Variants in CHD2 observed in about 807,000 individuals in gnomAD.
The protein encoded by CHD2 is ATP-dependent chromatin remodeler CHD2.
A neutral mutation model predicts 243.9 loss-of-function variants in CHD2; 28 were observed. That is an observed-to-expected ratio of 0.11 (90% confidence interval 0.09 to 0.16). CHD2 has a LOEUF of 0.16. Ranked by LOEUF, CHD2 falls within the 10% of genes least tolerant of loss-of-function variation. CHD2 has a pLI of 1.00. For synonymous variants in CHD2, 775 were observed against 779.0 expected (o/e 0.99, Z 0.09); for missense variants, 1,386 against 2,209.8 (o/e 0.63, Z 7.47).
At chr15:92,983,466 T>C (rs1258532823) in intron 24 of CHD2, among the ~76,000 whole-genome samples, 1 of 152,238 alleles carries the variant, frequency 6.6e-6, no homozygotes, top group Non-Finnish European at 1.5e-5. Context: ...TTGACTTCAC[T>C]GTTGGCTCCA....
At position 92,997,473 on chromosome 15, in the gene CHD2, T is replaced by C; in HGVS notation, c.3885+70T>C. 3.6e-6 allele frequency: 5 copies of C among 1,370,694 alleles called. No individual in the cohort carries two copies. The South Asian group carries it at 6.4e-5, about 17-fold the overall frequency. The allele number at this position is 1,370,694 out of a possible 1,614,324, so 84.9% of individuals were successfully genotyped here. ...GTAATATTTTTATATCGATTACTTATTTCTAACTATTTTCGAGGGGGCATC... is the reference window on the plus strand; with the variant it reads ...GTAATATTTTTATATCGATTACTTACTTCTAACTATTTTCGAGGGGGCATC... On this transcript the variant is annotated intron_variant, in intron 30 of 38. Transcript: ENST00000394196. This position sits in a 1 kb window ranked among gnomAD's most constrained non-coding sequence, Gnocchi z 4.1.
At chr15:93,015,561 A>AGT (rs1366409200) in intron 37 of CHD2, among the ~76,000 whole-genome samples, 9 of 149,934 alleles carry the variant, frequency 6.0e-5, no homozygotes, top group African/African-American at 2.2e-4. Context: ...CAATCAACAG[A>AGT]GTGAAGAGAC....
intron 22 of CHD2, among the ~76,000 whole-genome samples, chr15:92,979,647 T>C (rs1410223983): frequency 6.6e-6 from 1 of 152,034 alleles, no homozygotes; most frequent in Non-Finnish European, 1.5e-5. Context: ...GTTTTTTTTT[T>C]TTACTATTGG....
Position 93,014,593 on chromosome 15 carries a change from T to G in CHD2, c.4693-103T>G. 12 of 1,019,550 alleles carry G rather than the reference T, an allele frequency of 1.2e-5. No homozygotes were observed. The South Asian group carries it at 1.8e-4, about 15-fold the overall frequency. The allele number at this position is 1,019,550 out of a possible 1,614,324, so 63.2% of individuals were successfully genotyped here. A position where few individuals can be genotyped will look rare whatever the true frequency, so the allele number is the denominator to read the frequency against. ...GGTAGTAAACGCCAGTTCAGAAGTT[T>G]AAGAAGGACAAGAAGGAGCTGTTTA... On this transcript the variant is annotated intron_variant, in intron 36 of 38. Coordinates refer to ENST00000394196, the MANE Select transcript of CHD2 (RefSeq NM_001271.4).
intron 26 of CHD2, among the ~76,000 whole-genome samples, chr15:92,990,074 A>G (rs890045870): frequency 1.3e-5 from 2 of 152,206 alleles, no homozygotes; most frequent in African/African-American, 4.8e-5. Context: ...GTTTTTGACC[A>G]ATGAATTTTG....
At chr15:93,001,498 A>T (rs1321940822) in intron 32 of CHD2, among the ~76,000 whole-genome samples, 1 of 152,198 alleles carries the variant, frequency 6.6e-6, no homozygotes, top group Admixed American at 6.5e-5. Flanking sequence ...TGAGTCATAC[A>T]TACAGATATT....
At chr15:92,977,309 A>G (rs1478939593) in intron 20 of CHD2, among the ~76,000 whole-genome samples, 2 of 152,100 alleles carry the variant, frequency 1.3e-5, no homozygotes, top group Non-Finnish European at 1.5e-5. Flanking sequence ...TTTTATTTCT[A>G]TGGCATAATG....
intron 21 of CHD2, 98 bp downstream of exon 21, chr15:92,978,481 T>C: frequency 8.1e-7 from 1 of 1,239,830 alleles, no homozygotes; most frequent in South Asian, 1.5e-5. Flanking sequence ...TTTCCCTGTT[T>C]TGCTTTTATT....
intron 35 of CHD2, 93 bp downstream of exon 35, chr15:93,009,416 A>G: frequency 7.9e-7 from 1 of 1,262,262 alleles, no homozygotes. Context: ...TAGCCACCTA[A>G]GAAATCTTTC....
At chr15:92,932,276 A>G (rs2053182970) in intron 5 of CHD2, among the ~76,000 whole-genome samples, 1 of 150,164 alleles carries the variant, frequency 6.7e-6, no homozygotes, top group East Asian at 2.0e-4. Flanking sequence ...GTTACATACA[A>G]TTAGTTGCAC....
intron 2 of CHD2, among the ~76,000 whole-genome samples, chr15:92,913,140 T>G (rs556596491): frequency 1.1e-4 from 17 of 152,340 alleles, no homozygotes; most frequent in African/African-American, 3.8e-4. Context: ...TAGGGTTGTG[T>G]CCAAGAATCT....
intron 1 of CHD2, 108 bp downstream of exon 1, chr15:92,900,932 T>G (rs2052520267): frequency 4.7e-6 from 2 of 429,202 alleles, no homozygotes; most frequent in Admixed American, 4.3e-5. Context: ...ATACAGAGAT[T>G]GTTATTTGTA....
intron 2 of CHD2, chr15:92,902,260 T>C (rs2052539255): frequency 2.5e-6 from 1 of 397,842 alleles, no homozygotes; most frequent in Admixed American, 4.4e-5. Flanking sequence ...TGGAGTACCT[T>C]GTTAGTGATG....
In CHD2 at chr15:92,979,299, A is replaced by T. The variant is rs768455641; in HGVS notation, c.2876+16A>T. The T allele has an allele frequency of 6.2e-7, 1 of 1,611,908 alleles. No homozygotes were observed. Among genetic ancestry groups the T allele is most frequent in the East Asian group, 2.2e-5 (1 of 44,878 alleles). ...GAAGGTCCAAGTAAGTGCCAGGAAG[A>T]TTGGGAGGTAGGCAGAATCAAATTG... On this transcript the variant is annotated intron_variant, in intron 22 of 38. Coordinates refer to ENST00000394196, the MANE Select transcript of CHD2 (RefSeq NM_001271.4).
At chr15:92,905,170 A>C (rs775926831) in intron 2 of CHD2, among the ~76,000 whole-genome samples, 1 of 152,244 alleles carries the variant, frequency 6.6e-6, no homozygotes, top group Non-Finnish European at 1.5e-5. Flanking sequence ...TTAAGTGTTA[A>C]TAGCACTTGC....
intron 5 of CHD2, among the ~76,000 whole-genome samples, chr15:92,932,324 G>A (rs191733609): frequency 5.1e-4 from 76 of 149,716 alleles, no homozygotes; most frequent in African/African-American, 1.8e-3. Flanking sequence ...TTAAGTTCTA[G>A]GGTGTATGTG....
chr15:92,948,877 T>C (rs983365193), intron 12 of CHD2, 75 bp from the exon 13 acceptor site: 7 of 1,483,144 alleles, frequency 4.7e-6, no homozygotes, highest in Non-Finnish European at 4.6e-6. Context: ...TGATGCCGAA[T>C]ATGTGAATTG....
At position 93,026,262 on chromosome 15, in the gene CHD2, T is replaced by C. The variant is rs1369079628; in HGVS notation, c.*1557T>C. Reference sequence around the variant, plus strand: ...CTCAGAGCTGGTGAAAACCCTTCTGTTGGGCGTGTGCAGGGTTAAACTCCT... The same window carrying C: ...CTCAGAGCTGGTGAAAACCCTTCTGCTGGGCGTGTGCAGGGTTAAACTCCT... On this transcript the variant is annotated 3_prime_UTR_variant, in exon 39 of 39. Transcript: ENST00000394196. The C allele has an allele frequency of 6.5e-6, 1 of 152,676 alleles. No homozygotes were observed. Among genetic ancestry groups the C allele is most frequent in the Non-Finnish European group, 1.5e-5 (1 of 68,054 alleles). The allele number at this position is 152,676 out of a possible 1,614,324, so 9.5% of individuals were successfully genotyped here.
At chr15:92,922,480 T>C (rs932018719) in intron 2 of CHD2, among the ~76,000 whole-genome samples, 1 of 152,184 alleles carries the variant, frequency 6.6e-6, no homozygotes, top group Non-Finnish European at 1.5e-5. Context: ...TCATGGTAAC[T>C]GAAAGGCCTC....
Sources: gnomAD v4.1 joint callset for allele counts (sites outside exome capture counted in the v4.1 genomes callset) on GRCh38, gnomAD v4.1.1 for gene constraint, Gnocchi (gnomAD v3.1) non-coding constraint, MANE v1.5 for transcripts, NCBI Gene and HGNC (gene_info 2026-07-23, HGNC 2026-07-21) for gene names.